NELL1: variants seen among roughly 807,000 people sequenced by gnomAD.
NELL1 encodes the protein neural EGFL like 1.
NELL1 carries 76 observed loss-of-function variants against 107.4 expected under a neutral mutation model. That is an observed-to-expected ratio of 0.71 (90% CI 0.59 to 0.86). The LOEUF (loss-of-function observed/expected upper bound fraction) is 0.86. NELL1 is among the 40% of genes least tolerant of loss of function. NELL1 has a pLI of 0.00. For synonymous variants in NELL1, 353 were observed against 341.2 expected (o/e 1.03, Z -0.38); for missense variants, 1,024 against 1,005.5 (o/e 1.02, Z -0.25).
intron 13 of NELL1, among the ~76,000 whole-genome samples, chr11:21,181,822 T>A (rs1187704935): frequency 6.6e-6 from 1 of 151,878 alleles, no homozygotes; most frequent in Non-Finnish European, 1.5e-5. Context: ...TTGTCATTAT[T>A]ATTATTTTTT....
chr11:21,082,869 C>T (rs1046551205), intron 12 of NELL1, among the ~76,000 whole-genome samples: 1 of 152,216 alleles, frequency 6.6e-6, no homozygotes, highest in Non-Finnish European at 1.5e-5. Flanking sequence ...CGAAAACATA[C>T]AGCATAGTGC....
intron 3 of NELL1, among the ~76,000 whole-genome samples, chr11:20,802,934 A>G (rs181482997): frequency 6.6e-6 from 1 of 152,174 alleles, no homozygotes; most frequent in African/African-American, 2.4e-5. Context: ...GTCATGATGA[A>G]TGATCTTTTT....
chr11:21,410,454 G>A (rs1852348034), intron 15 of NELL1, among the ~76,000 whole-genome samples: 1 of 152,014 alleles, frequency 6.6e-6, no homozygotes, highest in Non-Finnish European at 1.5e-5. Flanking sequence ...ATGGAGAGGA[G>A]AGGATTGTTT....
At chr11:21,292,160 T>C (rs1849278992) in intron 14 of NELL1, among the ~76,000 whole-genome samples, 2 of 152,164 alleles carry the variant, frequency 1.3e-5, no homozygotes, top group South Asian at 4.1e-4. Flanking sequence ...ATGACATGAT[T>C]GTATATTTAG....
intron 12 of NELL1, among the ~76,000 whole-genome samples, chr11:20,975,809 ATATTATATATG>A (rs1286125524): frequency 7.8e-6 from 1 of 128,382 alleles, no homozygotes; most frequent in African/African-American, 3.2e-5. Flanking sequence ...TATGATATAC[ATATTATATATG>A]TATTATATAT....
At chr11:21,169,194 A>G (rs1326320742) in intron 13 of NELL1, among the ~76,000 whole-genome samples, 1 of 151,888 alleles carries the variant, frequency 6.6e-6, no homozygotes, top group East Asian at 1.9e-4. Flanking sequence ...GTAAGAGGGA[A>G]CAACCAAGTG....
intron 12 of NELL1, among the ~76,000 whole-genome samples, chr11:21,083,663 T>C (rs1224888388): frequency 6.6e-6 from 1 of 152,164 alleles, no homozygotes; most frequent in African/African-American, 2.4e-5. Flanking sequence ...AGATCTGGGC[T>C]GTATCTTAGT....
intron 14 of NELL1, among the ~76,000 whole-genome samples, chr11:21,259,823 C>G (rs1302446005): frequency 6.6e-6 from 1 of 151,822 alleles, no homozygotes; most frequent in East Asian, 1.9e-4. Flanking sequence ...ATGACTGAAG[C>G]AATTCACCCT....
intron 14 of NELL1, among the ~76,000 whole-genome samples, chr11:21,327,823 G>A (rs1341898475): frequency 1.3e-5 from 2 of 152,142 alleles, no homozygotes; most frequent in Non-Finnish European, 2.9e-5. Context: ...GTTGGGAACT[G>A]GAGTAAAGGT....
At chr11:21,099,208 CACACACACACACACACACACACACAA>C (rs970009477) in intron 12 of NELL1, among the ~76,000 whole-genome samples, 4 of 138,588 alleles carry the variant, frequency 2.9e-5, no homozygotes, top group Admixed American at 2.2e-4. Context: ...CACACACACA[CACACACACACACACACACACACACAA>C]ACACACACAC....
chr11:21,061,606 C>A (rs1274914573), intron 12 of NELL1, among the ~76,000 whole-genome samples: 1 of 152,114 alleles, frequency 6.6e-6, no homozygotes, highest in Non-Finnish European at 1.5e-5. Context: ...AAATGTATTT[C>A]TTACATTGCT....
chr11:21,476,673 T>A (rs1188413974), intron 15 of NELL1, among the ~76,000 whole-genome samples: 4 of 152,098 alleles, frequency 2.6e-5, no homozygotes, highest in Admixed American at 6.6e-5. Context: ...TTCATATTAC[T>A]GAAAAAGGCA....
At chr11:20,869,204 G>C (rs1849151027) in intron 4 of NELL1, among the ~76,000 whole-genome samples, 1 of 152,148 alleles carries the variant, frequency 6.6e-6, no homozygotes, top group African/African-American at 2.4e-5. Flanking sequence ...TTAGTATTAA[G>C]TGCCTAGTAA....
intron 3 of NELL1, among the ~76,000 whole-genome samples, chr11:20,847,352 A>G (rs1388158868): frequency 1.3e-5 from 2 of 152,152 alleles, no homozygotes; most frequent in Admixed American, 6.6e-5. Context: ...TTGTTACCTC[A>G]TGGTGGACCA....
intron 15 of NELL1, chr11:21,504,126 A>C (rs1212237403): frequency 6.6e-6 from 1 of 152,236 alleles, no homozygotes; most frequent in Non-Finnish European, 1.5e-5. Flanking sequence ...CTGCGAGAGC[A>C]GGGACCTTGT....
chr11:21,487,065 G>A (rs1333376138), intron 15 of NELL1, among the ~76,000 whole-genome samples: 1 of 152,140 alleles, frequency 6.6e-6, no homozygotes, highest in Non-Finnish European at 1.5e-5. Flanking sequence ...AATAATGGAT[G>A]GAAACCACAA....
intron 14 of NELL1, among the ~76,000 whole-genome samples, chr11:21,275,615 C>G (rs1565142539): frequency 1.3e-5 from 2 of 152,140 alleles, no homozygotes; most frequent in Admixed American, 1.3e-4. Context: ...AATTTTAGAC[C>G]AATATGCCTG....
chr11:21,136,652 A>G (rs1007602167), intron 13 of NELL1, among the ~76,000 whole-genome samples: 8 of 152,200 alleles, frequency 5.3e-5, no homozygotes, highest in Non-Finnish European at 1.2e-4. Flanking sequence ...GCTACACTGT[A>G]TTACTATCTC....
chr11:20,783,623 CCTT>C (rs1260243495), intron 2 of NELL1, 54 bp from the exon 3 acceptor site: 14 of 1,294,120 alleles, frequency 1.1e-5, no homozygotes, highest in African/African-American at 1.5e-5. Context: ...CTTCTCTACT[CCTT>C]CTCCTTCCTC....
Sources: gnomAD v4.1 joint callset for allele counts (sites outside exome capture counted in the v4.1 genomes callset) on GRCh38, gnomAD v4.1.1 for gene constraint, MANE v1.5 for transcripts, NCBI Gene and HGNC (gene_info 2026-07-23, HGNC 2026-07-21) for gene names.